FNBP1L: variants seen among roughly 807,000 people sequenced by gnomAD.
FNBP1L encodes formin binding protein 1 like.
In FNBP1L, 36 loss-of-function variants were observed where a neutral mutation model predicts 91.2. The ratio of observed to expected loss-of-function variants is 0.39; its 90% CI spans 0.30 to 0.52. The LOEUF (loss-of-function observed/expected upper bound fraction) is 0.52, where lower values mean the gene tolerates loss of function less well. Among genes scored for constraint, FNBP1L ranks in the 20% least tolerant of loss-of-function variants. The pLI is 0.66. For synonymous variants in FNBP1L, 242 were observed against 237.0 expected (o/e 1.02, Z -0.19); for missense variants, 571 against 732.1 (o/e 0.78, Z 2.54).
chr1:93,541,193 G>C, intron 11 of FNBP1L, 137 bp downstream of exon 11: 1 of 774,660 alleles, frequency 1.3e-6, no homozygotes, highest in Non-Finnish European at 2.1e-6. Flanking sequence ...TAGTTTCATA[G>C]TCCAGCATAT....
intron 2 of FNBP1L, 27 bp from the exon 3 acceptor site, chr1:93,522,055 A>G: frequency 1.4e-6 from 2 of 1,430,926 alleles, no homozygotes; most frequent in Non-Finnish European, 1.9e-6. Context: ...AATTTTTAAT[A>G]AACTTTAAAA....
chr1:93,468,618 A>G (rs755967334), intron 1 of FNBP1L, among the ~76,000 whole-genome samples: 1 of 152,028 alleles, frequency 6.6e-6, no homozygotes, highest in Non-Finnish European at 1.5e-5. Context: ...TTTGGTAGAG[A>G]TGGGGTTTTG....
At chr1:93,469,373 A>G (rs900319094) in intron 1 of FNBP1L, among the ~76,000 whole-genome samples, 1 of 151,924 alleles carries the variant, frequency 6.6e-6, no homozygotes, top group Non-Finnish European at 1.5e-5. Context: ...GCTGAGAATG[A>G]TGGTTTCCAG....
intron 1 of FNBP1L, among the ~76,000 whole-genome samples, chr1:93,485,943 C>T (rs1480112372): frequency 6.6e-6 from 1 of 152,216 alleles, no homozygotes; most frequent in Non-Finnish European, 1.5e-5. Flanking sequence ...TGTGATCTGC[C>T]TGCCTCAGCC....
At chr1:93,513,976 A>G (rs564345557) in intron 2 of FNBP1L, among the ~76,000 whole-genome samples, 20 of 152,198 alleles carry the variant, frequency 1.3e-4, no homozygotes, top group Non-Finnish European at 2.4e-4. Context: ...GAGGAAGTCA[A>G]ATTGTCCCTG....
rs560964657 is a variant in FNBP1L, at chr1:93,550,970, A to G, written c.1675A>G (p.Met559Val). 3.1e-6 allele frequency: 5 copies of G among 1,599,596 alleles called. No individual in the cohort carries two copies. The highest frequency in any genetic ancestry group is 4.3e-6 in the Non-Finnish European group (5 of 1,172,658). The change falls in exon 16 of 17, where the codon ATG (methionine) becomes GTG (valine). Residue 559 changes from methionine (M) to valine (V), a missense_variant. By Grantham distance (21) the Met-to-Val change is conservative. This residue lies in a region of FNBP1L where 189 missense variants were observed against 219.7 expected (regional missense o/e 0.86). Transcript: ENST00000271234. The stretch of plus-strand genomic sequence containing the variant: ...AGGACATAATGAAGGTACTCTAGCA[A>G]TGAAAGAAGGTGAAGTTCTCTACAT... ...FDGHNEGTLA[M>V]KEGEVLYIIE...
chr1:93,550,417 C>T (rs771506280), intron 15 of FNBP1L, among the ~76,000 whole-genome samples: 2 of 152,146 alleles, frequency 1.3e-5, no homozygotes, highest in Non-Finnish European at 2.9e-5. Flanking sequence ...ATTGTTACTG[C>T]TAAGCAGGTT....
In FNBP1L at chr1:93,536,426, A is replaced by T; in HGVS notation, c.1085A>T (p.Tyr362Phe). The change falls in exon 10 of 17, where the codon TAT becomes TTT. Residue 362 changes from tyrosine to phenylalanine, a missense_variant. Transcript: ENST00000271234. ...ACATTCTCCATTGAGCCCGTGCATT[A>T]TTGTATGAATGAAATAAAAACAGGG... ...FLTFSIEPVH[Y>F]CMNEIKTGKP... 1 of 1,550,778 alleles carries T rather than the reference A, an allele frequency of 6.4e-7. No individual in the cohort carries two copies.
At chr1:93,514,420 T>A (rs1478383197) in intron 2 of FNBP1L, among the ~76,000 whole-genome samples, 4 of 48,462 alleles carry the variant, frequency 8.3e-5, no homozygotes, top group Non-Finnish European at 2.9e-4. Flanking sequence ...AAAACTACTT[T>A]AAAGTTCATA....
In FNBP1L at chr1:93,532,299, G is replaced by A. The variant is rs548968879; in HGVS notation, c.640-623G>A. On this transcript the variant is annotated intron_variant, in intron 7 of 16. Transcript: ENST00000271234. Reference sequence around the variant, plus strand: ...CTGGCCAACATGGTGAAACCCCATCGCTACTAAAAATACAAAAATTAGCTG... The same window carrying A: ...CTGGCCAACATGGTGAAACCCCATCACTACTAAAAATACAAAAATTAGCTG... Among the ~76,000 whole-genome samples the A allele has an allele frequency of 3.3e-5, 5 of 151,192 alleles. No individual in the cohort carries two copies. In the South Asian group the frequency reaches 6.3e-4, roughly 19 times the overall value.
intron 1 of FNBP1L, among the ~76,000 whole-genome samples, chr1:93,464,693 T>C (rs1557775961): frequency 6.6e-6 from 1 of 152,210 alleles, no homozygotes; most frequent in Non-Finnish European, 1.5e-5. Context: ...AATAGCAGTC[T>C]TTAAACATAT....
chr1:93,516,299 G>A (rs973429455), intron 2 of FNBP1L, among the ~76,000 whole-genome samples: 2 of 152,082 alleles, frequency 1.3e-5, no homozygotes, highest in Non-Finnish European at 2.9e-5. Context: ...GATTTGAACC[G>A]GGGACCTCTT....
chr1:93,448,184 G>A lies in FNBP1L; in HGVS notation c.-98G>A, dbSNP rs1668332442. 6.8e-7 allele frequency: 1 copy of A among 1,463,414 alleles called. No individual in the cohort carries two copies. The highest frequency in any genetic ancestry group is 9.2e-7 in the Non-Finnish European group (1 of 1,087,530). The allele number at this position is 1,463,414 out of a possible 1,614,324, so 90.7% of individuals were successfully genotyped here. A position where few individuals can be genotyped will look rare whatever the true frequency, so the allele number is the denominator to read the frequency against. On this transcript the variant is annotated 5_prime_UTR_variant, in exon 1 of 17. Coordinates refer to ENST00000271234, the MANE Select transcript of FNBP1L (RefSeq NM_001164473.3). ...GCACCTTTCGAGGTAGACCCGCTGAGCTGCTAGCCCGCCGGCCAGCGAGTG... is the reference window on the plus strand; with the variant it reads ...GCACCTTTCGAGGTAGACCCGCTGAACTGCTAGCCCGCCGGCCAGCGAGTG...
intron 1 of FNBP1L, among the ~76,000 whole-genome samples, chr1:93,483,019 AAAAAAC>A (rs1217552156): frequency 1.4e-5 from 2 of 140,240 alleles, no homozygotes; most frequent in African/African-American, 2.7e-5. Flanking sequence ...CTCCGTCTAA[AAAAAAC>A]AAAAAAAACA....
intron 2 of FNBP1L, among the ~76,000 whole-genome samples, chr1:93,521,077 C>T (rs938729760): frequency 6.6e-6 from 1 of 151,872 alleles, no homozygotes; most frequent in African/African-American, 2.4e-5. Flanking sequence ...ACCAACCAAC[C>T]AACCAACAAA....
intron 2 of FNBP1L, among the ~76,000 whole-genome samples, chr1:93,515,568 TG>T (rs1671064647): frequency 6.6e-6 from 1 of 152,018 alleles, no homozygotes; most frequent in South Asian, 2.1e-4. Context: ...ATATACACCA[TG>T]GAATACTATG....
At chr1:93,501,571 C>T (rs953859390) in intron 2 of FNBP1L, among the ~76,000 whole-genome samples, 2 of 152,086 alleles carry the variant, frequency 1.3e-5, no homozygotes, top group African/African-American at 4.8e-5. Flanking sequence ...TCCATGAGGG[C>T]GGATCCCTCA....
At chr1:93,505,345 A>G (rs1256079681) in intron 2 of FNBP1L, among the ~76,000 whole-genome samples, 1 of 152,172 alleles carries the variant, frequency 6.6e-6, no homozygotes, top group African/African-American at 2.4e-5. Flanking sequence ...CAAAGGAGAC[A>G]GGGTCATTTA....
At chr1:93,462,124 A>G (rs2101688951) in intron 1 of FNBP1L, among the ~76,000 whole-genome samples, 1 of 152,270 alleles carries the variant, frequency 6.6e-6, no homozygotes, top group Non-Finnish European at 1.5e-5. Context: ...AGAGTCATGA[A>G]ACAAAAGGCC....
Sources: gnomAD v4.1 joint callset for allele counts (sites outside exome capture counted in the v4.1 genomes callset) on GRCh38, gnomAD v4.1.1 for gene constraint, gnomAD v4.1.1 regional missense constraint, MANE v1.5 for transcripts, NCBI Gene and HGNC (gene_info 2026-07-23, HGNC 2026-07-21) for gene names.